PKHD1L1: variants seen among roughly 807,000 people sequenced by gnomAD.
The protein encoded by PKHD1L1 is PKHD1 like 1, also known as fibrocystin-L.
A neutral mutation model predicts 462.9 loss-of-function variants in PKHD1L1; 434 were observed. The ratio of observed to expected loss-of-function variants is 0.94; its 90% CI spans 0.87 to 1.02. PKHD1L1 has a LOEUF of 1.02. PKHD1L1 is among the 50% of genes least tolerant of loss of function. The pLI, the probability that PKHD1L1 is intolerant of heterozygous loss-of-function variation, is 0.00. For missense variants in PKHD1L1, 5,202 were observed against 5,096.1 expected, an observed-to-expected ratio of 1.02 and a Z score of -0.63; for synonymous variants, 1,781 against 1,750.0, an observed-to-expected ratio of 1.02 and a Z score of -0.44.
chr8:109,445,577 A>G lies in PKHD1L1; in HGVS notation c.5708A>G (p.Tyr1903Cys), dbSNP rs2130761387. The G allele has an allele frequency of 1.9e-6, 3 of 1,611,580 alleles. No individual in the cohort carries two copies. The East Asian group carries it at 6.7e-5, about 36-fold the overall frequency. ...DVKIFVNTIA[Y>C]PPLLFTYALE... ...AAAATCTTTGTTAATACAATTGCTTATCCACCTTTGCTTTTTACATATGCC... is the reference window on the plus strand; with the variant it reads ...AAAATCTTTGTTAATACAATTGCTTGTCCACCTTTGCTTTTTACATATGCC... The change falls in exon 38 of 78, where the codon TAT becomes TGT. Residue 1903 changes from tyrosine to cysteine, a missense_variant. Tyr to Cys is a radical substitution (Grantham distance 194, BLOSUM62 -2). This residue lies in a region of PKHD1L1 where 4,497 missense variants were observed against 4,336.8 expected (regional missense o/e 1.04). Coordinates refer to ENST00000378402, the MANE Select transcript of PKHD1L1 (RefSeq NM_177531.6).
intron 14 of PKHD1L1, among the ~76,000 whole-genome samples, chr8:109,402,471 C>T (rs1813320617): frequency 6.6e-6 from 1 of 152,096 alleles, no homozygotes. Flanking sequence ...CACATGGTCT[C>T]TCATCATCCA....
At position 109,535,427 on chromosome 8, in the gene PKHD1L1, C is replaced by T. The variant is rs10088684; in HGVS notation, c.*5337C>T. ...AGTTCAATTTTCAAGTGAAAGTAAT[C>T]CTTAAAGGATTTAATTTCAAATAAG... On this transcript the variant is annotated 3_prime_UTR_variant, in exon 78 of 78. Coordinates refer to ENST00000378402, the MANE Select transcript of PKHD1L1 (RefSeq NM_177531.6). Among the ~76,000 whole-genome samples the T allele has an allele frequency of 0.76, 116,045 of 152,094 alleles. 44,955 individuals carry two copies. The highest frequency in any genetic ancestry group is 0.93 in the Middle Eastern group (273 of 294).
intron 50 of PKHD1L1, chr8:109,470,500 G>A (rs1817662767): frequency 6.2e-7 from 1 of 1,610,392 alleles, no homozygotes. Context: ...ACAGCAACTG[G>A]CTGGAAAAGA....
At chr8:109,383,165 A>AATT (rs1554627884) in intron 4 of PKHD1L1, among the ~76,000 whole-genome samples, 1 of 107,066 alleles carries the variant, frequency 9.3e-6, no homozygotes, top group East Asian at 2.4e-4. Flanking sequence ...ATTTATATAT[A>AATT]ATATATACAA....
chr8:109,443,746 G>C lies in PKHD1L1; in HGVS notation c.4635G>C (p.Leu1545=). The part of the protein sequence containing the change: ...GCLATEPLCS[L]NNTRVKNSKR... ...TAGCAACAGAACCCCTGTGCAGCCT[G>C]AACAATACCAGGGTTAAAAATTCAA... The change falls in exon 37 of 78, where the codon CTG becomes CTC. Residue 1545 remains leucine (L), a synonymous_variant. Transcript: ENST00000378402. 6.2e-7 allele frequency: 1 copy of C among 1,613,760 alleles called. No individual in the cohort carries two copies. The highest frequency in any genetic ancestry group is 1.3e-5 in the African/African-American group (1 of 75,030).
Position 109,395,768 on chromosome 8 carries a change from C to T in PKHD1L1, c.812-259C>T, listed in dbSNP as rs1003390871. Among the ~76,000 whole-genome samples the T allele has an allele frequency of 7.2e-5, 11 of 152,246 alleles. No individual in the cohort carries two copies. In the East Asian group the frequency reaches 9.7e-4, roughly 13 times the overall value. On this transcript the variant is annotated intron_variant, in intron 10 of 77. Transcript: ENST00000378402. ...AGGTTTTCCTTACTTCTTTAATGCT[C>T]GCATTACCAATGTTGCTTTAATACC...
chr8:109,446,999 G>A (rs138197242), intron 38 of PKHD1L1, among the ~76,000 whole-genome samples: 1 of 152,238 alleles, frequency 6.6e-6, no homozygotes, highest in Non-Finnish European at 1.5e-5. Context: ...TGAGGCTGGC[G>A]GATTGCCTGA....
intron 2 of PKHD1L1, among the ~76,000 whole-genome samples, chr8:109,380,790 T>C (rs183780461): frequency 4.1e-4 from 62 of 152,252 alleles, no homozygotes; most frequent in African/African-American, 1.4e-3. Flanking sequence ...CCAAATAAAT[T>C]ATGTGCTGGC....
chr8:109,444,115 T>TCC lies in PKHD1L1; in HGVS notation c.4791+221_4791+222dup, dbSNP rs112180968. 6.5e-3 allele frequency among the ~76,000 whole-genome samples: 825 copies of TCC among 126,790 alleles called. 7 individuals are homozygous for TCC. The highest frequency in any genetic ancestry group is 0.023 in the African/African-American group (779 of 34,366). The allele number at this position is 126,790 out of a possible 152,430, so 83.2% of individuals were successfully genotyped here. On this transcript the variant is annotated intron_variant, in intron 37 of 77. Transcript: ENST00000378402. ...TCAATTTTAGAACATTTTCATTACCTCCCCCCCCCAAAAAAAACCCTAAAG... is the reference window on the plus strand; with the variant it reads ...TCAATTTTAGAACATTTTCATTACCTCCCCCCCCCCCAAAAAAAACCCTAAAG...
chr8:109,388,944 A>G (rs939247948), intron 7 of PKHD1L1, 135 bp from the exon 8 acceptor site: 12 of 535,280 alleles, frequency 2.2e-5, no homozygotes, highest in Non-Finnish European at 3.5e-5. Flanking sequence ...GTTTTATTTT[A>G]CAGAAATTTT....
At chr8:109,454,933 A>G (rs1816737167) in intron 45 of PKHD1L1, 81 bp downstream of exon 45, 1 of 1,449,754 alleles carries the variant, frequency 6.9e-7, no homozygotes, top group South Asian at 1.4e-5. Flanking sequence ...TGATAATTAT[A>G]ATTTATCCTG....
Position 109,442,104 on chromosome 8 carries a change from G to T in PKHD1L1, c.4302G>T (p.Gly1434=), listed in dbSNP as rs1288702735. 1 of 1,613,510 alleles carries T rather than the reference G, an allele frequency of 6.2e-7. No homozygotes were observed. Among genetic ancestry groups the T allele is most frequent in the Non-Finnish European group, 8.5e-7 (1 of 1,179,582 alleles). Residue 1434 remains glycine, a synonymous_variant, in exon 35 of 78, where the codon GGG becomes GGT. Transcript: ENST00000378402. ...WHWQTHPFLR[G]IGYRIFSVSS... is the part of the protein sequence containing the mutation. ...GGCAAACACATCCGTTTCTTAGAGGGATAGGATATAGGATTTTTTCTGTCT... is the reference window on the plus strand; with the variant it reads ...GGCAAACACATCCGTTTCTTAGAGGTATAGGATATAGGATTTTTTCTGTCT...
chr8:109,508,497 G>A (rs1819812733), intron 70 of PKHD1L1, among the ~76,000 whole-genome samples: 1 of 151,918 alleles, frequency 6.6e-6, no homozygotes, highest in African/African-American at 2.4e-5. Flanking sequence ...AAGAAGGAGG[G>A]GAAGAGGGAT....
rs1470090998 is a variant in PKHD1L1 at position 109,454,189 on chromosome 8, A to G, written c.6687A>G (p.Glu2229=). The change falls in exon 44 of 78, where the codon GAA becomes GAG. Residue 2229 remains glutamate (E), a synonymous_variant. Transcript: ENST00000378402. ...LIQGGTLIFD[E]ADIELQAENI... is the part of the protein sequence containing the mutation. ...TAGGTGGGACTCTAATATTTGATGA[A>G]GCTGACATTGAACTCCAGGCAGAAA... The G allele has an allele frequency of 6.2e-7, 1 of 1,607,994 alleles. No homozygotes were observed. Among genetic ancestry groups the G allele is most frequent in the Non-Finnish European group, 8.5e-7 (1 of 1,177,040 alleles).
intron 2 of PKHD1L1, among the ~76,000 whole-genome samples, chr8:109,365,078 C>T (rs1426240694): frequency 2.0e-5 from 3 of 152,168 alleles, no homozygotes; most frequent in Non-Finnish European, 4.4e-5. Context: ...TAGATTCCTT[C>T]TCCTGCCACC....
chr8:109,379,612 G>A (rs1404764214), intron 2 of PKHD1L1, among the ~76,000 whole-genome samples: 1 of 152,184 alleles, frequency 6.6e-6, no homozygotes, highest in African/African-American at 2.4e-5. Context: ...GATGCATGGA[G>A]CTGGATATAA....
Position 109,466,724 on chromosome 8 carries a change from C to A in PKHD1L1, c.8560C>A (p.Pro2854Thr). The A allele has an allele frequency of 1.2e-6, 2 of 1,612,904 alleles. No individual in the cohort carries two copies. Among genetic ancestry groups the A allele is most frequent in the South Asian group, 1.1e-5 (1 of 90,944 alleles). The change falls in exon 50 of 78, where the codon CCA becomes ACA. Residue 2854 changes from proline (P) to threonine (T), a missense_variant. Pro to Thr is a conservative substitution (Grantham distance 38). This residue lies in a region of PKHD1L1 where 4,497 missense variants were observed against 4,336.8 expected (regional missense o/e 1.04). Transcript: ENST00000378402. Reference protein sequence around the residue: ...FHRLAFNQPSPVSLLEKDVVL... With the variant: ...FHRLAFNQPSTVSLLEKDVVL... ...CCGTTTAGCGTTCAACCAGCCTTCT[C>A]CAGTATCTCTGCTTGAAAAGGATGT... is the stretch of plus-strand genomic sequence containing the variant.
chr8:109,467,281 G>C (rs1229460740), intron 50 of PKHD1L1, among the ~76,000 whole-genome samples: 2 of 152,078 alleles, frequency 1.3e-5, no homozygotes, highest in Non-Finnish European at 2.9e-5. Flanking sequence ...TCTGGCATTT[G>C]CACCAGCCAA....
At chr8:109,462,530 C>T (rs557879541) in intron 48 of PKHD1L1, among the ~76,000 whole-genome samples, 1 of 152,012 alleles carries the variant, frequency 6.6e-6, no homozygotes, top group East Asian at 1.9e-4. Context: ...TTTGTACTTG[C>T]TTTTCATTAT....
Sources: allele counts gnomAD v4.1 joint callset (sites outside exome capture counted in the v4.1 genomes callset), GRCh38; gene constraint gnomAD v4.1.1; regional missense constraint gnomAD v4.1.1; transcripts MANE v1.5; gene names NCBI Gene and HGNC (gene_info 2026-07-23, HGNC 2026-07-21).